The following CEMIP2 variants were observed in gnomAD, a reference collection of about 807,000 sequenced individuals.
CEMIP2 encodes the protein cell surface hyaluronidase CEMIP2.
A neutral mutation model predicts 146.9 loss-of-function variants in CEMIP2; 79 were observed. The observed-to-expected ratio is 0.54, with a 90% CI of 0.45 to 0.65. CEMIP2 has a LOEUF of 0.65. CEMIP2 is among the 30% of genes least tolerant of loss of function. CEMIP2 has a pLI of 0.00. For missense variants in CEMIP2, 1,596 were observed against 1,696.2 expected (o/e 0.94, Z 1.04); for synonymous variants, 601 against 606.3 (o/e 0.99, Z 0.13).
chr9:71,755,737 G>A lies in CEMIP2; in HGVS notation c.-12-5352C>T, dbSNP rs139581472. Among the ~76,000 whole-genome samples the A allele has an allele frequency of 3.3e-5, 5 of 151,620 alleles. No homozygotes were observed. The East Asian group carries it at 5.8e-4, about 18-fold the overall frequency. On this transcript the variant is annotated intron_variant, in intron 1 of 23. Coordinates refer to ENST00000377044, the MANE Select transcript of CEMIP2 (RefSeq NM_013390.3). ...TTTGAGAGGCTGAGGCAGGAGGATC[G>A]CTTGAGCTCAGGAGTTCGAGACTAG...
At position 71,698,158 on chromosome 9, in the gene CEMIP2, T is replaced by C. The variant is rs1342932871; in HGVS notation, c.3424A>G (p.Ser1142Gly). 6.2e-7 allele frequency: 1 copy of C among 1,614,170 alleles called. No individual in the cohort carries two copies. The change falls in exon 20 of 24, where the codon AGT becomes GGT. Residue 1142 changes from serine to glycine, a missense_variant. Coordinates refer to ENST00000377044, the MANE Select transcript of CEMIP2 (RefSeq NM_013390.3). ...LKAKSHRHGHSYCSSQGCERV... is the reference protein window; with the variant it reads ...LKAKSHRHGHGYCSSQGCERV... ...TCACATCCCTGAGATGAACAGTAACTGTGGCCATGCCTGTGGCTTTTGGCT... is the reference window on the plus strand; with the variant it reads ...TCACATCCCTGAGATGAACAGTAACCGTGGCCATGCCTGTGGCTTTTGGCT...
In CEMIP2 at chr9:71,698,017, T is replaced by C. The variant is rs201694886; in HGVS notation, c.3565A>G (p.Thr1189Ala). The C allele has an allele frequency of 6.5e-4, 1,050 of 1,614,186 alleles. 4 individuals are homozygous for C. In the Middle Eastern group the frequency reaches 8.8e-3, roughly 13 times the overall value. ...SVVKRMPAML[T>A]GLCQGCGTRQ... ...GTGCCACAGCCTTGACAGAGTCCAG[T>C]GAGCATGGCCGGCATCCGCTTGACC... Residue 1189 changes from threonine to alanine, a missense_variant, in exon 20 of 24, where the codon ACT becomes GCT. Thr to Ala is a moderately conservative substitution (Grantham distance 58, BLOSUM62 0). Coordinates refer to ENST00000377044, the MANE Select transcript of CEMIP2 (RefSeq NM_013390.3).
intron 18 of CEMIP2, among the ~76,000 whole-genome samples, chr9:71,703,277 G>A (rs1190212744): frequency 6.6e-6 from 1 of 152,210 alleles, no homozygotes. Flanking sequence ...TGAGGGAAAA[G>A]GAAGAGACAG....
intron 3 of CEMIP2, 102 bp from the exon 4 acceptor site, chr9:71,745,681 G>T (rs528511556): frequency 8.4e-7 from 1 of 1,189,550 alleles, no homozygotes; most frequent in South Asian, 1.6e-5. Flanking sequence ...CAATTAGGTC[G>T]GAAAAAAGAA....
chr9:71,729,720 T>C (rs1336082622), intron 10 of CEMIP2, 125 bp downstream of exon 10: 2 of 850,066 alleles, frequency 2.4e-6, no homozygotes, highest in Non-Finnish European at 3.9e-6. Flanking sequence ...ACTAAACAAG[T>C]AGTACCAGAA....
chr9:71,704,802 A>G lies in CEMIP2; in HGVS notation c.2987T>C (p.Val996Ala). 1 of 1,612,406 alleles carries G rather than the reference A, an allele frequency of 6.2e-7. No individual in the cohort carries two copies. The highest frequency in any genetic ancestry group is 8.5e-7 in the Non-Finnish European group (1 of 1,178,614). ...AVICSGTYAQ[V>A]YVQTWSTQNL... The stretch of plus-strand genomic sequence containing the variant: ...CTGAGTGCTCCATGTCTGTACATAG[A>G]CCTTGAAAAAATAATCAAGAAGTAA... The change falls in exon 18 of 24, where the codon GTC becomes GCC. Residue 996 changes from valine (V) to alanine (A), a missense_variant and splice_region_variant. Coordinates refer to ENST00000377044, the MANE Select transcript of CEMIP2 (RefSeq NM_013390.3).
chr9:71,754,038 G>T (rs1223111667), intron 1 of CEMIP2, among the ~76,000 whole-genome samples: 2 of 152,076 alleles, frequency 1.3e-5, no homozygotes, highest in African/African-American at 2.4e-5. Flanking sequence ...CACAGGGCAG[G>T]GAACATCACA....
chr9:71,748,085 T>C (rs748227447), intron 2 of CEMIP2, among the ~76,000 whole-genome samples: 19 of 152,324 alleles, frequency 1.2e-4, no homozygotes, highest in Admixed American at 2.6e-4. Flanking sequence ...CTCCATAGTT[T>C]TATAACAAGC....
intron 1 of CEMIP2, among the ~76,000 whole-genome samples, chr9:71,756,624 T>C (rs1300393802): frequency 2.6e-5 from 4 of 152,058 alleles, no homozygotes; most frequent in African/African-American, 9.7e-5. Context: ...GCAATTTGAC[T>C]AATTTCTATA....
intron 1 of CEMIP2, among the ~76,000 whole-genome samples, chr9:71,760,590 T>A (rs1182448689): frequency 6.8e-6 from 1 of 147,920 alleles, no homozygotes; most frequent in African/African-American, 2.4e-5. Flanking sequence ...CTAAAGCCAA[T>A]GAGGCTGATA....
intron 9 of CEMIP2, 61 bp from the exon 10 acceptor site, chr9:71,729,975 A>T (rs1823566078): frequency 3.1e-6 from 5 of 1,612,704 alleles, no homozygotes; most frequent in African/African-American, 1.3e-5. Context: ...CCCACTAAAA[A>T]CTTCCCCCAA....
In CEMIP2 at chr9:71,730,762, C is replaced by G. The variant is rs1227386506; in HGVS notation, c.1716G>C (p.Leu572=). ...GYRHATFVDG[L]SIHHSFSRCI... The stretch of plus-strand genomic sequence containing the variant: ...ACCTTGAGAAGCTGTGATGAATAGA[C>G]AGGCCGTCCACAAATGTTGCATGTC... Residue 572 remains leucine (L), a synonymous_variant, in exon 8 of 24, where the codon CTG becomes CTC. Transcript: ENST00000377044. 4.3e-6 allele frequency: 7 copies of G among 1,614,108 alleles called. No individual in the cohort carries two copies. The African/African-American group carries it at 8.0e-5, about 18-fold the overall frequency.
chr9:71,684,545 G>T lies in CEMIP2; in HGVS notation c.*652C>A, dbSNP rs1418326677. The stretch of plus-strand genomic sequence containing the variant: ...TTGCCCAATGGTCACAGATTAAAGG[G>T]ATATCTAATCCCCAAGAGCCCTTTT... On this transcript the variant is annotated 3_prime_UTR_variant, in exon 24 of 24. Coordinates refer to ENST00000377044, the MANE Select transcript of CEMIP2 (RefSeq NM_013390.3). 6.6e-6 allele frequency: 1 copy of T among 152,606 alleles called. No individual in the cohort carries two copies. The highest frequency in any genetic ancestry group is 2.4e-5 in the African/African-American group (1 of 41,442). 9.5% of individuals were successfully genotyped at this position (152,606 alleles called of 1,614,324 possible). A position where few individuals can be genotyped will look rare whatever the true frequency, so the allele number is the denominator to read the frequency against.
intron 14 of CEMIP2, 72 bp from the exon 15 acceptor site, chr9:71,715,161 C>T: frequency 6.6e-7 from 1 of 1,514,096 alleles, no homozygotes; most frequent in South Asian, 1.3e-5. Flanking sequence ...TGTAGGCATG[C>T]TATAACTGAA....
At chr9:71,762,522 A>AAAAAAC (rs1554690022) in intron 1 of CEMIP2, among the ~76,000 whole-genome samples, 1 of 151,152 alleles carries the variant, frequency 6.6e-6, no homozygotes, top group East Asian at 1.9e-4. Context: ...AAAAAAAAAA[A>AAAAAAC]AAAACTGGCT....
At chr9:71,709,513 GCT>G in intron 16 of CEMIP2, 39 bp from the exon 17 acceptor site, 1 of 1,562,382 alleles carries the variant, frequency 6.4e-7, no homozygotes, top group Non-Finnish European at 8.8e-7. Flanking sequence ...CAAAGTGAGG[GCT>G]CCTGCTATCT....
At chr9:71,719,365 G>A (rs1823163078) in intron 12 of CEMIP2, among the ~76,000 whole-genome samples, 1 of 152,172 alleles carries the variant, frequency 6.6e-6, no homozygotes. Flanking sequence ...GAAGTTTGCT[G>A]GAGAGAAAGA....
chr9:71,712,177 G>A lies in CEMIP2; in HGVS notation c.2675C>T (p.Pro892Leu). 6.2e-7 allele frequency: 1 copy of A among 1,614,128 alleles called. No homozygotes were observed. Among genetic ancestry groups the A allele is most frequent in the Non-Finnish European group, 8.5e-7 (1 of 1,180,014 alleles). ...RSTFKKYVPT[P>L]DRYSSAIGFL... ...GCCAATTGCACTGCTGTACCTATCT[G>A]GAGTTGGCACATATTTTTTGAAAGT... The change falls in exon 16 of 24, where the codon CCA (proline) becomes CTA (leucine). Residue 892 changes from proline (P) to leucine (L), a missense_variant. Pro to Leu is a moderately conservative substitution (Grantham distance 98, BLOSUM62 -3). Coordinates refer to ENST00000377044, the MANE Select transcript of CEMIP2 (RefSeq NM_013390.3).
chr9:71,693,639 A>T (rs1822300124), intron 21 of CEMIP2, among the ~76,000 whole-genome samples: 1 of 152,256 alleles, frequency 6.6e-6, no homozygotes, highest in African/African-American at 2.4e-5. Flanking sequence ...AAATGTATTT[A>T]AAAACACAAA....
Sources: gnomAD v4.1 joint callset for allele counts (sites outside exome capture counted in the v4.1 genomes callset) on GRCh38, gnomAD v4.1.1 for gene constraint, MANE v1.5 for transcripts, NCBI Gene and HGNC (gene_info 2026-07-23, HGNC 2026-07-21) for gene names.